Variants in KAZN observed in about 807,000 individuals in gnomAD.
KAZN encodes the protein kazrin, periplakin interacting protein, also known as kazrin.
Under a neutral mutation model 87.4 loss-of-function variants are expected in KAZN, and 40 were observed. That is an observed-to-expected ratio of 0.46 (90% CI 0.36 to 0.60). KAZN has a LOEUF of 0.60. Ranked by LOEUF, KAZN falls within the 20% of genes least tolerant of loss-of-function variation. KAZN has a pLI of 0.00. For missense variants in KAZN, 898 were observed against 1,073.9 expected (o/e 0.84, Z 2.29); for synonymous variants, 466 against 458.3 (o/e 1.02, Z -0.22).
intron 1 of KAZN, among the ~76,000 whole-genome samples, chr1:14,029,092 A>C (rs61244655): frequency 6.9e-6 from 1 of 144,558 alleles, no homozygotes; most frequent in African/African-American, 2.6e-5. Flanking sequence ...TCCCACCAAC[A>C]GTGTAAAAGT....
intron 2 of KAZN, among the ~76,000 whole-genome samples, chr1:14,314,516 AGGCCTTTTGGCACGGGATG>A (rs1655518902): frequency 6.6e-6 from 1 of 152,116 alleles, no homozygotes; most frequent in Non-Finnish European, 1.5e-5. Context: ...TCATGAGTCT[AGGCCTTTTGGCACGGGATG>A]GGCCTTTTCT....
At chr1:15,092,666 G>T (rs1640608680) in intron 8 of KAZN, among the ~76,000 whole-genome samples, 1 of 152,066 alleles carries the variant, frequency 6.6e-6, no homozygotes, top group Non-Finnish European at 1.5e-5. Context: ...TAGAGATGGG[G>T]TTTCACCATG....
At chr1:14,757,787 TTCTACA>T (rs1394222554) in intron 1 of KAZN, among the ~76,000 whole-genome samples, 1 of 152,210 alleles carries the variant, frequency 6.6e-6, no homozygotes, top group Non-Finnish European at 1.5e-5. Flanking sequence ...TGGGAGCACC[TTCTACA>T]TCTTGCGTAT....
intron 1 of KAZN, among the ~76,000 whole-genome samples, chr1:14,646,155 C>A (rs1313504301): frequency 6.6e-6 from 1 of 152,018 alleles, no homozygotes; most frequent in Non-Finnish European, 1.5e-5. Context: ...GTGATAGACC[C>A]CGGCCATATC....
intron 1 of KAZN, among the ~76,000 whole-genome samples, chr1:14,822,421 C>T (rs555247905): frequency 6.6e-6 from 1 of 152,278 alleles, no homozygotes; most frequent in South Asian, 2.1e-4. Context: ...TAGAATCTGC[C>T]TCAGGGTTGC....
At chr1:14,759,419 TAC>T (rs1281146771) in intron 1 of KAZN, among the ~76,000 whole-genome samples, 1 of 152,228 alleles carries the variant, frequency 6.6e-6, no homozygotes, top group Non-Finnish European at 1.5e-5. Flanking sequence ...AGCACTGTTT[TAC>T]AGTCTGCTGT....
chr1:14,970,020 G>C (rs1168614361), intron 2 of KAZN, among the ~76,000 whole-genome samples: 1 of 152,104 alleles, frequency 6.6e-6, no homozygotes, highest in Non-Finnish European at 1.5e-5. Flanking sequence ...CACCGTGTTG[G>C]CCAGGCTGGT....
chr1:13,980,899 C>T (rs996052906), intron 1 of KAZN, among the ~76,000 whole-genome samples: 11 of 151,528 alleles, frequency 7.3e-5, no homozygotes, highest in Non-Finnish European at 1.5e-4. Context: ...TCTGGATGGT[C>T]TGTCTAGCAT....
chr1:14,853,994 C>T (rs922281853), intron 1 of KAZN, among the ~76,000 whole-genome samples: 8 of 152,172 alleles, frequency 5.3e-5, no homozygotes, highest in Non-Finnish European at 8.8e-5. Flanking sequence ...AGAGAAGCTG[C>T]AGAGTCTCAG....
chr1:14,555,350 A>G (rs1673798747), intron 2 of KAZN, among the ~76,000 whole-genome samples: 1 of 152,352 alleles, frequency 6.6e-6, no homozygotes, highest in East Asian at 1.9e-4. Flanking sequence ...TAGCAATTAC[A>G]GTAATAGTGA....
intron 1 of KAZN, among the ~76,000 whole-genome samples, chr1:14,944,763 C>G (rs1419860410): frequency 6.6e-6 from 1 of 152,238 alleles, no homozygotes; most frequent in Non-Finnish European, 1.5e-5. Flanking sequence ...GGATGATAAA[C>G]AGAGAAGTGA....
At chr1:14,429,585 G>C (rs1665930180) in intron 2 of KAZN, among the ~76,000 whole-genome samples, 1 of 152,186 alleles carries the variant, frequency 6.6e-6, no homozygotes, top group Non-Finnish European at 1.5e-5. Context: ...TTCACAAAAG[G>C]GGAGCGTCTT....
At chr1:14,594,445 T>C (rs549748419), upstream of KAZN, among the ~76,000 whole-genome samples, 1 of 152,238 alleles carries the variant, frequency 6.6e-6, no homozygotes, top group African/African-American at 2.4e-5. Context: ...TCAGACAATG[T>C]ACGTAGAGGC....
At chr1:14,270,896 A>G (rs1651868327) in intron 2 of KAZN, among the ~76,000 whole-genome samples, 1 of 152,146 alleles carries the variant, frequency 6.6e-6, no homozygotes, top group Non-Finnish European at 1.5e-5. Flanking sequence ...TGGTAATGAC[A>G]CAGTTTGCCC....
chr1:14,798,012 C>T (rs1015786324), intron 1 of KAZN, among the ~76,000 whole-genome samples: 11 of 152,194 alleles, frequency 7.2e-5, no homozygotes, highest in African/African-American at 2.2e-4. Context: ...CTCCTATCTC[C>T]CCCACTTTAC....
At chr1:14,748,108 T>C (rs910476638) in intron 1 of KAZN, among the ~76,000 whole-genome samples, 1 of 152,242 alleles carries the variant, frequency 6.6e-6, no homozygotes, top group Non-Finnish European at 1.5e-5. Flanking sequence ...GGCCCATCCT[T>C]GGCTATCTCT....
chr1:14,804,755 G>A lies in KAZN; in HGVS notation c.227-155929G>A, dbSNP rs79916555. Among the ~76,000 whole-genome samples the A allele has an allele frequency of 1.8e-3, 278 of 150,712 alleles. 3 individuals are homozygous for A. The East Asian group carries it at 0.029, about 15-fold the overall frequency. ...AAGGAGTCAACACCACAGAGACTCT[G>A]GCAGGATGCTAAGTTCTGAGTGGCA... On this transcript the variant is annotated intron_variant, in intron 1 of 14. Transcript: ENST00000376030.
intron 1 of KAZN, among the ~76,000 whole-genome samples, chr1:13,894,363 C>T (rs1266117793): frequency 6.6e-6 from 1 of 151,408 alleles, no homozygotes; most frequent in Non-Finnish European, 1.5e-5. Flanking sequence ...CCTTATAACC[C>T]ATGCTAGCCA....
At chr1:14,409,200 GA>G (rs1199011571) in intron 2 of KAZN, among the ~76,000 whole-genome samples, 1 of 152,012 alleles carries the variant, frequency 6.6e-6, no homozygotes, top group Non-Finnish European at 1.5e-5. Flanking sequence ...GAGCTTTCCA[GA>G]AAAAAAGTTA....
Sources: allele counts gnomAD v4.1 joint callset (sites outside exome capture counted in the v4.1 genomes callset), GRCh38; gene constraint gnomAD v4.1.1; transcripts MANE v1.5; gene names NCBI Gene and HGNC (gene_info 2026-07-23, HGNC 2026-07-21).